Variants in TYW3 observed in about 807,000 individuals in gnomAD.
The protein encoded by TYW3 is tRNA wybutosine-synthesizing protein 3 homolog.
Under a neutral mutation model 23.1 loss-of-function variants are expected in TYW3, and 26 were observed. The observed-to-expected ratio is 1.13, with a 90% CI of 0.83 to 1.56. The LOEUF (loss-of-function observed/expected upper bound fraction) is 1.56. Among genes scored for constraint, TYW3 ranks in the 40% most tolerant of loss-of-function variants. The pLI, the probability that TYW3 is intolerant of heterozygous loss-of-function variation, is 0.00. For missense variants in TYW3, 316 were observed against 311.9 expected (o/e 1.01, Z -0.10); for synonymous variants, 102 against 105.7 (o/e 0.97, Z 0.21).
intron 5 of TYW3, among the ~76,000 whole-genome samples, chr1:74,759,937 C>T (rs1236981283): frequency 2.0e-5 from 3 of 152,186 alleles, no homozygotes; most frequent in Non-Finnish European, 2.9e-5. Context: ...AGCCACCGCA[C>T]CTGGCTGACA....
intron 3 of TYW3, among the ~76,000 whole-genome samples, chr1:74,744,608 G>T (rs546945288): frequency 6.6e-6 from 1 of 152,060 alleles, no homozygotes; most frequent in Non-Finnish European, 1.5e-5. Context: ...CATCTGGGTC[G>T]CCAAAATGTG....
chr1:74,765,836 AAG>A lies in TYW3; in HGVS notation c.*1728_*1729del, dbSNP rs1230033531. 5 of 152,258 alleles carry A rather than the reference AAG, an allele frequency of 3.3e-5. No individual in the cohort carries two copies. Among genetic ancestry groups the A allele is most frequent in the Admixed American group, 2.0e-4 (3 of 15,284 alleles). 9.4% of individuals were successfully genotyped at this position (152,258 alleles called of 1,614,324 possible). A position where few individuals can be genotyped will look rare whatever the true frequency, so the allele number is the denominator to read the frequency against. ...ACTGAATATATGAATGAGAATTAAGAAGAGAGGGGCTGCTTCCTAATCTGTTT... is the reference window on the plus strand; with the variant it reads ...ACTGAATATATGAATGAGAATTAAGAAGAGGGGCTGCTTCCTAATCTGTTT... On this transcript the variant is annotated 3_prime_UTR_variant, in exon 6 of 6. Coordinates refer to ENST00000370867, the MANE Select transcript of TYW3 (RefSeq NM_138467.3).
At chr1:74,746,922 G>A (rs1271068677) in intron 3 of TYW3, among the ~76,000 whole-genome samples, 2 of 152,212 alleles carry the variant, frequency 1.3e-5, no homozygotes, top group African/African-American at 4.8e-5. Flanking sequence ...GAAAAGAGTA[G>A]TCCTGACAGA....
intron 4 of TYW3, chr1:74,751,233 A>C (rs1648775163): frequency 1.3e-5 from 2 of 151,970 alleles, no homozygotes; most frequent in South Asian, 2.1e-4. Flanking sequence ...TTTTCTTGCC[A>C]GTGTGTGTGT....
chr1:74,745,911 T>C (rs1363959806), intron 3 of TYW3, among the ~76,000 whole-genome samples: 4 of 152,200 alleles, frequency 2.6e-5, no homozygotes, highest in African/African-American at 9.7e-5. Context: ...TGTGTATGCA[T>C]GTCACTTGTT....
At position 74,756,083 on chromosome 1, in the gene TYW3, T is replaced by C. The variant is rs560797440; in HGVS notation, c.560+3658T>C. Among the ~76,000 whole-genome samples, 5 of 152,372 alleles carry C rather than the reference T, an allele frequency of 3.3e-5. No homozygotes were observed. The South Asian group carries it at 1.0e-3, about 32-fold the overall frequency. On this transcript the variant is annotated intron_variant, in intron 5 of 5. Coordinates refer to ENST00000370867, the MANE Select transcript of TYW3 (RefSeq NM_138467.3). ...CACCTTCCACCATGATTGTGAGGCCTTCCCAGCCACATGGAACTGTAAGTT... is the reference window on the plus strand; with the variant it reads ...CACCTTCCACCATGATTGTGAGGCCCTCCCAGCCACATGGAACTGTAAGTT...
chr1:74,741,892 C>T (rs1225913872), intron 3 of TYW3, among the ~76,000 whole-genome samples: 1 of 152,178 alleles, frequency 6.6e-6, no homozygotes, highest in Non-Finnish European at 1.5e-5. Context: ...AGGATTGTGG[C>T]CTCCAGGCAC....
At chr1:74,747,560 C>T (rs1346240669) in intron 3 of TYW3, among the ~76,000 whole-genome samples, 2 of 149,452 alleles carry the variant, frequency 1.3e-5, no homozygotes, top group Admixed American at 1.3e-4. Flanking sequence ...TGGCGTGAAC[C>T]CGGGAGGCGG....
chr1:74,743,337 G>T (rs1648431273), intron 3 of TYW3, among the ~76,000 whole-genome samples: 1 of 151,956 alleles, frequency 6.6e-6, no homozygotes, highest in Admixed American at 6.6e-5. Context: ...GTTCCTCTTG[G>T]TCTCTATTAT....
At chr1:74,752,488 T>C in intron 5 of TYW3, 63 bp downstream of exon 5, 1 of 1,444,434 alleles carries the variant, frequency 6.9e-7, no homozygotes, top group Non-Finnish European at 9.5e-7. Context: ...AAAACATTAA[T>C]ACTTACTATC....
intron 3 of TYW3, among the ~76,000 whole-genome samples, chr1:74,748,051 G>A (rs1437802815): frequency 6.6e-6 from 1 of 152,268 alleles, no homozygotes; most frequent in East Asian, 1.9e-4. Flanking sequence ...TTGTGTGGGG[G>A]CTGTCCTGTA....
At chr1:74,757,439 T>G (rs1648992614) in intron 5 of TYW3, among the ~76,000 whole-genome samples, 1 of 152,178 alleles carries the variant, frequency 6.6e-6, no homozygotes, top group Non-Finnish European at 1.5e-5. Flanking sequence ...AGGAGATCAT[T>G]TTGGAGCTTT....
In TYW3 at chr1:74,733,164, C is replaced by G. The variant is rs1647952643; in HGVS notation, c.-81C>G. On this transcript the variant is annotated 5_prime_UTR_variant, in exon 1 of 6. Transcript: ENST00000370867. ...AGGAAGTTTGGACCTTTTCGGCCAC[C>G]GCTCGCTTCAATATGGCTGCCCCCA... 1 of 1,515,928 alleles carries G rather than the reference C, an allele frequency of 6.6e-7. No homozygotes were observed. The highest frequency in any genetic ancestry group is 2.3e-5 in the Admixed American group (1 of 44,100). The allele number at this position is 1,515,928 out of a possible 1,614,324, so 93.9% of individuals were successfully genotyped here.
At position 74,764,153 on chromosome 1, in the gene TYW3, A is replaced by G. The variant is rs1157383968; in HGVS notation, c.*40A>G. ...GTGTCTTGGCCGTAATGTTTCTAGT[A>G]GGTTTTATAAAGCTGCTCTTCATAA... On this transcript the variant is annotated 3_prime_UTR_variant, in exon 6 of 6. Coordinates refer to ENST00000370867, the MANE Select transcript of TYW3 (RefSeq NM_138467.3). 4 of 1,549,284 alleles carry G rather than the reference A, an allele frequency of 2.6e-6. No homozygotes were observed. The highest frequency in any genetic ancestry group is 3.5e-6 in the Non-Finnish European group (4 of 1,142,622).
At chr1:74,746,654 A>T (rs1237272701) in intron 3 of TYW3, among the ~76,000 whole-genome samples, 2 of 152,318 alleles carry the variant, frequency 1.3e-5, no homozygotes, top group East Asian at 3.9e-4. Flanking sequence ...GACAATAAGT[A>T]TGTAATAAAA....
intron 5 of TYW3, among the ~76,000 whole-genome samples, chr1:74,754,427 T>C (rs1477032077): frequency 2.6e-5 from 4 of 152,166 alleles, no homozygotes; most frequent in Admixed American, 2.6e-4. Flanking sequence ...GAAGATTACA[T>C]GTGAATTTAG....
chr1:74,747,923 A>T (rs189534589), intron 3 of TYW3, among the ~76,000 whole-genome samples: 12 of 152,188 alleles, frequency 7.9e-5, no homozygotes, highest in Admixed American at 4.6e-4. Context: ...GTATATACAT[A>T]TATACATATA....
rs747923540 is a variant in TYW3 at position 74,733,412 on chromosome 1, T to C, written c.168T>C (p.Leu56=). Residue 56 remains leucine, a synonymous_variant, in exon 1 of 6, where the codon CTT becomes CTC. Transcript: ENST00000370867. ...TSSCAGRILL[L]DRGINGFEVQ... ...CCTGCGCTGGCCGCATCCTACTCCT[T>C]GACCGGGTGAGGCCCCTTTGCGCCT... 3 of 1,614,196 alleles carry C rather than the reference T, an allele frequency of 1.9e-6. No homozygotes were observed. The highest frequency in any genetic ancestry group is 2.5e-6 in the Non-Finnish European group (3 of 1,180,016).
chr1:74,740,208 T>C (rs1648303556), intron 3 of TYW3, among the ~76,000 whole-genome samples: 2 of 152,244 alleles, frequency 1.3e-5, no homozygotes, highest in East Asian at 1.9e-4. Flanking sequence ...GTGGTCTTGC[T>C]GACTTCAGGA....
Sources: allele counts gnomAD v4.1 joint callset (sites outside exome capture counted in the v4.1 genomes callset), GRCh38; gene constraint gnomAD v4.1.1; transcripts MANE v1.5; gene names NCBI Gene and HGNC (gene_info 2026-07-23, HGNC 2026-07-21).